The following MCTP1 variants were observed in gnomAD, a reference collection of about 807,000 sequenced individuals.
The protein encoded by MCTP1 is multiple C2 and transmembrane domain containing 1.
MCTP1 carries 69 observed loss-of-function variants against 120.6 expected under a neutral mutation model. That is an observed-to-expected ratio of 0.57 (90% CI 0.47 to 0.70). MCTP1 has a LOEUF of 0.70. Among genes scored for constraint, MCTP1 ranks in the 30% least tolerant of loss-of-function variants. The pLI, the probability that MCTP1 is intolerant of heterozygous loss-of-function variation, is 0.00. For missense variants in MCTP1, 1,203 were observed against 1,248.8 expected, an observed-to-expected ratio of 0.96 and a Z score of 0.55; for synonymous variants, 529 against 493.1, an observed-to-expected ratio of 1.07 and a Z score of -0.96.
chr5:94,755,520 G>GGACCAC (rs1168631845), intron 19 of MCTP1, among the ~76,000 whole-genome samples: 5 of 152,146 alleles, frequency 3.3e-5, no homozygotes, highest in Non-Finnish European at 5.9e-5. Flanking sequence ...GAAACTCCGA[G>GGACCAC]GACCACGACC....
chr5:95,136,270 T>C (rs1398434366), intron 1 of MCTP1, among the ~76,000 whole-genome samples: 1 of 152,246 alleles, frequency 6.6e-6, no homozygotes, highest in Non-Finnish European at 1.5e-5. Flanking sequence ...AACTTGCTCC[T>C]GTGTACTCCC....
At chr5:95,078,713 T>C (rs1188523695) in intron 1 of MCTP1, among the ~76,000 whole-genome samples, 2 of 152,190 alleles carry the variant, frequency 1.3e-5, no homozygotes, top group Admixed American at 6.5e-5. Context: ...TAATTAAGCA[T>C]CTTGGTTCTG....
chr5:94,747,962 C>T (rs527797869), intron 19 of MCTP1, among the ~76,000 whole-genome samples: 47 of 152,038 alleles, frequency 3.1e-4, no homozygotes, highest in African/African-American at 4.3e-4. Context: ...TAGTGGCGCG[C>T]GCCTGTAATC....
intron 2 of MCTP1, among the ~76,000 whole-genome samples, chr5:94,972,970 C>T (rs1356711185): frequency 6.6e-6 from 1 of 151,942 alleles, no homozygotes; most frequent in Non-Finnish European, 1.5e-5. Context: ...AGGGAGAGAA[C>T]TAACTTTCTT....
chr5:95,204,787 C>T (rs1424214934), intron 1 of MCTP1, among the ~76,000 whole-genome samples: 3 of 151,778 alleles, frequency 2.0e-5, no homozygotes, highest in Non-Finnish European at 4.4e-5. Flanking sequence ...CAATAAAATA[C>T]TCGTAAATAA....
intron 2 of MCTP1, among the ~76,000 whole-genome samples, chr5:95,013,482 TA>T (rs1836443434): frequency 6.6e-6 from 1 of 152,152 alleles, no homozygotes. Context: ...ACTCTCATGT[TA>T]GGGGCTAATG....
At chr5:94,832,163 G>C (rs1165843998) in intron 17 of MCTP1, among the ~76,000 whole-genome samples, 3 of 152,192 alleles carry the variant, frequency 2.0e-5, no homozygotes, top group Non-Finnish European at 4.4e-5. Flanking sequence ...TTCAACAGCT[G>C]CTTTAGGAAA....
intron 19 of MCTP1, among the ~76,000 whole-genome samples, chr5:94,768,907 C>T (rs922980726): frequency 6.6e-6 from 1 of 152,090 alleles, no homozygotes; most frequent in Non-Finnish European, 1.5e-5. Flanking sequence ...GAAAGGAAAT[C>T]AGTATATTAA....
chr5:95,050,135 C>G (rs1313836566), intron 1 of MCTP1, among the ~76,000 whole-genome samples: 1 of 151,530 alleles, frequency 6.6e-6, no homozygotes, highest in Non-Finnish European at 1.5e-5. Flanking sequence ...GGGTTAAATT[C>G]TTCTTTTACA....
chr5:94,711,904 G>A (rs1757174146), intron 20 of MCTP1, among the ~76,000 whole-genome samples: 1 of 152,086 alleles, frequency 6.6e-6, no homozygotes, highest in Non-Finnish European at 1.5e-5. Flanking sequence ...ATCCAGTCTG[G>A]TACTTCTTAA....
intron 6 of MCTP1, among the ~76,000 whole-genome samples, chr5:94,926,453 A>C (rs1003623343): frequency 2.4e-4 from 37 of 152,246 alleles, no homozygotes; most frequent in African/African-American, 8.7e-4. Flanking sequence ...ACTGTTCATC[A>C]AAACAATGGC....
intron 18 of MCTP1, among the ~76,000 whole-genome samples, chr5:94,783,735 C>T (rs1777055672): frequency 6.6e-6 from 1 of 151,928 alleles, no homozygotes; most frequent in African/African-American, 2.4e-5. Flanking sequence ...TTAAAAGGCC[C>T]ATGAATTATT....
intron 19 of MCTP1, among the ~76,000 whole-genome samples, chr5:94,745,655 T>G (rs1766719782): frequency 6.6e-6 from 1 of 152,212 alleles, no homozygotes; most frequent in Non-Finnish European, 1.5e-5. Context: ...TGCCTAACAC[T>G]GAGCCTGACA....
chr5:94,907,050 T>C (rs1177671901), intron 10 of MCTP1, among the ~76,000 whole-genome samples: 1 of 152,210 alleles, frequency 6.6e-6, no homozygotes, highest in Non-Finnish European at 1.5e-5. Flanking sequence ...AGTAATTCTA[T>C]TATAATCTGT....
intron 1 of MCTP1, among the ~76,000 whole-genome samples, chr5:95,171,674 T>C (rs1164601446): frequency 6.6e-6 from 1 of 152,246 alleles, no homozygotes; most frequent in African/African-American, 2.4e-5. Flanking sequence ...CTTCCATCGC[T>C]GGTACCCTTT....
intron 1 of MCTP1, among the ~76,000 whole-genome samples, chr5:95,036,042 T>G (rs1841237765): frequency 6.6e-6 from 1 of 152,156 alleles, no homozygotes; most frequent in African/African-American, 2.4e-5. Context: ...CCTTTTGTCT[T>G]TTTGTGAGTT....
At chr5:95,067,061 G>A (rs1206011730) in intron 1 of MCTP1, among the ~76,000 whole-genome samples, 1 of 151,634 alleles carries the variant, frequency 6.6e-6, no homozygotes, top group African/African-American at 2.4e-5. Flanking sequence ...ACCATGGACC[G>A]GTACCAATCC....
chr5:95,182,186 G>A (rs1231358328), intron 1 of MCTP1, among the ~76,000 whole-genome samples: 2 of 152,180 alleles, frequency 1.3e-5, no homozygotes, highest in East Asian at 1.9e-4. Context: ...AAAAGTGGGT[G>A]TGAAGAAAAG....
At chr5:95,247,765 G>C (rs1756964262) in intron 1 of MCTP1, among the ~76,000 whole-genome samples, 1 of 152,072 alleles carries the variant, frequency 6.6e-6, no homozygotes, top group Non-Finnish European at 1.5e-5. Flanking sequence ...ACAGTTTGTT[G>C]TGATTTCTAT....
Sources: gnomAD v4.1 joint callset for allele counts (sites outside exome capture counted in the v4.1 genomes callset) on GRCh38, gnomAD v4.1.1 for gene constraint, MANE v1.5 for transcripts, NCBI Gene and HGNC (gene_info 2026-07-23, HGNC 2026-07-21) for gene names.